The following FKBP8 variants were observed in gnomAD, a reference collection of about 807,000 sequenced individuals.
FKBP8 encodes FKBP prolyl isomerase 8, also known as peptidyl-prolyl cis-trans isomerase FKBP8.
Under a neutral mutation model 41.7 loss-of-function variants are expected in FKBP8, and 5 were observed. The ratio of observed to expected loss-of-function variants is 0.12; its 90% confidence interval spans 0.06 to 0.25. The LOEUF is 0.25. FKBP8 is among the 10% of genes least tolerant of loss of function. The probability of loss-of-function intolerance (pLI) is 1.00; values close to 1 mark genes in which losing one functional copy is unlikely to be tolerated. For synonymous variants in FKBP8, 279 were observed against 254.5 expected (o/e 1.10, Z -0.92); for missense variants, 397 against 563.0 (o/e 0.71, Z 2.98).
intron 7 of FKBP8, 162 bp from the exon 8 acceptor site, chr19:18,532,957 A>C: frequency 8.2e-7 from 1 of 1,216,860 alleles, no homozygotes; most frequent in Non-Finnish European, 1.1e-6. Flanking sequence ...TGCTGACCCC[A>C]TCCCTCCTAG....
chr19:18,542,660 C>A (rs1976732315), intron 1 of FKBP8, among the ~76,000 whole-genome samples: 1 of 151,974 alleles, frequency 6.6e-6, no homozygotes, highest in South Asian at 2.1e-4. Context: ...GGACCCTGGC[C>A]CAAATCCTTC....
At chr19:18,534,786 C>T (rs116452925) in intron 6 of FKBP8, among the ~76,000 whole-genome samples, 5,229 of 150,792 alleles carry the variant, frequency 0.035, 292 homozygotes, top group African/African-American at 0.12. Context: ...ATTATTATTA[C>T]TATTGTTATT....
chr19:18,539,330 C>T (rs1300764398), intron 4 of FKBP8, 41 bp downstream of exon 4: 2 of 1,556,394 alleles, frequency 1.3e-6, no homozygotes, highest in Non-Finnish European at 1.8e-6. Context: ...ACCCATCCCC[C>T]TCCTGAGACC....
chr19:18,540,596 G>C (rs1349422429), intron 2 of FKBP8, among the ~76,000 whole-genome samples: 1 of 152,040 alleles, frequency 6.6e-6, no homozygotes, highest in African/African-American at 2.4e-5. Context: ...TAGGGGCCAG[G>C]TGTGCTGGCT....
At chr19:18,540,875 A>G (rs1976681637) in intron 2 of FKBP8, among the ~76,000 whole-genome samples, 1 of 151,918 alleles carries the variant, frequency 6.6e-6, no homozygotes, top group South Asian at 2.1e-4. Flanking sequence ...CTGTCTCAAA[A>G]AAAAAAAAAA....
chr19:18,539,110 G>A (rs192752281), intron 4 of FKBP8, among the ~76,000 whole-genome samples: 49 of 152,108 alleles, frequency 3.2e-4, no homozygotes, highest in Admixed American at 1.3e-3. Flanking sequence ...CACCACGCCC[G>A]GCCCACACCC....
At chr19:18,541,012 A>G (rs1439138009) in intron 2 of FKBP8, among the ~76,000 whole-genome samples, 2 of 152,160 alleles carry the variant, frequency 1.3e-5, no homozygotes, top group East Asian at 3.8e-4. Context: ...ATGATATCTT[A>G]TTATTTGCAT....
At chr19:18,533,209 G>A in intron 7 of FKBP8, 61 bp downstream of exon 7, 2 of 1,443,984 alleles carry the variant, frequency 1.4e-6, no homozygotes, top group Non-Finnish European at 1.9e-6. Context: ...AAAGACCTGG[G>A]GCAGACCGCA....
intron 1 of FKBP8, chr19:18,542,200 C>G: frequency 9.7e-6 from 6 of 620,694 alleles, no homozygotes; most frequent in Non-Finnish European, 1.3e-5. Flanking sequence ...GCATCAGGCT[C>G]AAATAGTGTT....
intron 6 of FKBP8, among the ~76,000 whole-genome samples, chr19:18,534,545 G>A (rs1048336825): frequency 2.6e-5 from 4 of 151,866 alleles, no homozygotes; most frequent in Middle Eastern, 3.4e-3. Flanking sequence ...CTCCACTGGC[G>A]AGAGGCCGAA....
In FKBP8 at chr19:18,538,091, G is replaced by A. The variant is rs1976620425; in HGVS notation, c.772+125C>T. 5.6e-6 allele frequency: 6 copies of A among 1,063,622 alleles called. No homozygotes were observed. The highest frequency in any genetic ancestry group is 8.3e-6 in the Non-Finnish European group (6 of 723,554). The allele number at this position is 1,063,622 out of a possible 1,614,324, so 65.9% of individuals were successfully genotyped here. On this transcript the variant is annotated intron_variant, in intron 5 of 8. Coordinates refer to ENST00000608443, the MANE Select transcript of FKBP8 (RefSeq NM_012181.5). The surrounding 1 kb of genome is among the most constrained non-coding windows in gnomAD (Gnocchi z 4.0). ...AGGCCCTAGCTTAGGGGCAGTTGGGGATCTACCCATATTCTGGGCTATTCT... is the reference window on the plus strand; with the variant it reads ...AGGCCCTAGCTTAGGGGCAGTTGGGAATCTACCCATATTCTGGGCTATTCT...
chr19:18,537,060 C>T lies in FKBP8; in HGVS notation c.945+541G>A, dbSNP rs1396004978. On this transcript the variant is annotated intron_variant, in intron 6 of 8. Coordinates refer to ENST00000608443, the MANE Select transcript of FKBP8 (RefSeq NM_012181.5). The surrounding 1 kb of genome is among the most constrained non-coding windows in gnomAD (Gnocchi z 4.4). Reference sequence around the variant, plus strand: ...AGGAGGTTTCAACACTGGGCCAAGCCGGGCACGGTGGCTCAGGCCTGTAAT... The same window carrying T: ...AGGAGGTTTCAACACTGGGCCAAGCTGGGCACGGTGGCTCAGGCCTGTAAT... 2.0e-5 allele frequency among the ~76,000 whole-genome samples: 3 copies of T among 152,032 alleles called. No individual in the cohort carries two copies. Among genetic ancestry groups the T allele is most frequent in the East Asian group, 1.9e-4 (1 of 5,188 alleles).
rs1976606970 is a variant in FKBP8 at position 18,537,566 on chromosome 19, T to A, written c.945+35A>T. The A allele has an allele frequency of 6.4e-7, 1 of 1,550,586 alleles. No individual in the cohort carries two copies. The highest frequency in any genetic ancestry group is 1.8e-5 in the Admixed American group (1 of 54,114). On this transcript the variant is annotated intron_variant, in intron 6 of 8. Coordinates refer to ENST00000608443, the MANE Select transcript of FKBP8 (RefSeq NM_012181.5). This position sits in a 1 kb window ranked among gnomAD's most constrained non-coding sequence, Gnocchi z 4.4. Reference sequence around the variant, plus strand: ...GGGGACCACCCCGTATACCCCAGGCTGAGTGACCCGGCCTGGCACCCCGGT... The same window carrying A: ...GGGGACCACCCCGTATACCCCAGGCAGAGTGACCCGGCCTGGCACCCCGGT...
intron 6 of FKBP8, among the ~76,000 whole-genome samples, chr19:18,533,850 CA>C (rs540917196): frequency 5.4e-5 from 8 of 146,934 alleles, no homozygotes; most frequent in East Asian, 2.0e-4. Flanking sequence ...ACTAAAAATA[CA>C]AAAAAAATTA....
In FKBP8 at chr19:18,541,908, G is replaced by C. The variant is rs373061427; in HGVS notation, c.63C>G (p.Leu21=). 76 of 1,613,874 alleles carry C rather than the reference G, an allele frequency of 4.7e-5. No homozygotes were observed. The highest frequency in any genetic ancestry group is 6.4e-5 in the Non-Finnish European group (76 of 1,179,958). The part of the protein sequence containing the change: ...SAPLPAGVPP[L]EDFEVLDGVE... ...CCCCATCCAGTACCTCGAAGTCCTC[G>C]AGCGGTGGGACCCCGGCGGGCAGTG... The change falls in exon 2 of 9, where the codon CTC becomes CTG. Residue 21 remains leucine (L), a synonymous_variant. Transcript: ENST00000608443.
intron 1 of FKBP8, chr19:18,542,993 A>G (rs1195998654): frequency 3.8e-6 from 2 of 521,604 alleles, no homozygotes; most frequent in Non-Finnish European, 5.1e-6. Flanking sequence ...CCCACCCCCC[A>G]CCCCAACCAC....
chr19:18,537,718 C>A lies in FKBP8; in HGVS notation c.828G>T (p.Leu276=). ...TCAGCTGCGAGGCCGCCAGGTTGTTCAGACACTTCACCTTCAACTGCAGGA... is the reference window on the plus strand; with the variant it reads ...TCAGCTGCGAGGCCGCCAGGTTGTTAAGACACTTCACCTTCAACTGCAGGA... ...AQLLQLKVKC[L]NNLAASQLKL... Residue 276 remains leucine, a synonymous_variant, in exon 6 of 9, where the codon CTG becomes CTT. Coordinates refer to ENST00000608443, the MANE Select transcript of FKBP8 (RefSeq NM_012181.5). The surrounding 1 kb of genome is among the most constrained non-coding windows in gnomAD (Gnocchi z 4.4). 1 of 1,613,998 alleles carries A rather than the reference C, an allele frequency of 6.2e-7. No individual in the cohort carries two copies. The highest frequency in any genetic ancestry group is 1.1e-5 in the South Asian group (1 of 91,070).
chr19:18,543,378 C>A (rs1335124546), intron 1 of FKBP8, 108 bp downstream of exon 1: 2 of 138,488 alleles, frequency 1.4e-5, no homozygotes, highest in Non-Finnish European at 3.2e-5. Flanking sequence ...CCCGCGGCCC[C>A]TCGCCCCGCC....
intron 2 of FKBP8, among the ~76,000 whole-genome samples, chr19:18,539,992 T>C (rs7248433): frequency 1.3e-5 from 2 of 151,862 alleles, no homozygotes; most frequent in Non-Finnish European, 2.9e-5. Context: ...CTGGTTTTTT[T>C]GTTTTTTTGT....
Sources: gnomAD v4.1 joint callset for allele counts (sites outside exome capture counted in the v4.1 genomes callset) on GRCh38, gnomAD v4.1.1 for gene constraint, Gnocchi (gnomAD v3.1) non-coding constraint, MANE v1.5 for transcripts, NCBI Gene and HGNC (gene_info 2026-07-23, HGNC 2026-07-21) for gene names.